RPL13: variants seen among roughly 807,000 people sequenced by gnomAD.
RPL13 encodes ribosomal protein L13.
Under a neutral mutation model 21.4 loss-of-function variants are expected in RPL13, and 1 was observed. That is an observed-to-expected ratio of 0.05 (90% CI 0.02 to 0.22). The LOEUF is 0.22. RPL13 is among the 10% of genes least tolerant of loss of function. The pLI is 1.00. For missense variants in RPL13, 289 were observed against 303.0 expected, an observed-to-expected ratio of 0.95 and a Z score of 0.34; for synonymous variants, 143 against 120.5, an observed-to-expected ratio of 1.19 and a Z score of -1.23.
intron 4 of RPL13, chr16:89,562,132 G>T: frequency 1.6e-6 from 1 of 620,452 alleles, no homozygotes; most frequent in Non-Finnish European, 2.8e-6. Flanking sequence ...ACTGTCTCGT[G>T]CGTGTTGCGT....
intron 1 of RPL13, 28 bp from the exon 2 acceptor site, chr16:89,560,912 C>G (rs768433318): frequency 1.3e-6 from 2 of 1,530,056 alleles, no homozygotes; most frequent in Non-Finnish European, 1.8e-6. Flanking sequence ...GGGGTCCGGC[C>G]TCTCACTCGC....
downstream of RPL13, chr16:89,566,654 A>C (rs963762129): frequency 6.7e-6 from 1 of 149,962 alleles, no homozygotes; most frequent in African/African-American, 2.5e-5. Context: ...ACAGAGCGAG[A>C]CCCTATCTCA....
chr16:89,561,503 C>A (rs777401176), intron 3 of RPL13, 75 bp from the exon 4 acceptor site: 56 of 1,612,234 alleles, frequency 3.5e-5, no homozygotes, highest in Non-Finnish European at 4.5e-5. Flanking sequence ...CATCTGATTG[C>A]TGAGGCTTTT....
chr16:89,561,171 G>A (rs1597674099), intron 2 of RPL13, 56 bp from the exon 3 acceptor site: 1 of 1,514,078 alleles, frequency 6.6e-7, no homozygotes, highest in Non-Finnish European at 8.8e-7. Flanking sequence ...CCGTCGCGGA[G>A]CGCTGGCCTG....
chr16:89,561,849 A>G (rs1166642663), intron 4 of RPL13, 98 bp downstream of exon 4: 20 of 1,343,288 alleles, frequency 1.5e-5, no homozygotes, highest in Admixed American at 2.1e-5. Flanking sequence ...TGGGGTGAGA[A>G]GAACCAAAAC....
intron 5 of RPL13, 48 bp from the exon 6 acceptor site, chr16:89,562,836 C>A: frequency 6.8e-7 from 1 of 1,479,930 alleles, no homozygotes; most frequent in South Asian, 1.4e-5. Flanking sequence ...TGGTTGTTCC[C>A]TTGCCCTTTG....
chr16:89,561,677 C>T lies in RPL13; in HGVS notation c.346C>T (p.Arg116Trp). 2 of 1,613,860 alleles carry T rather than the reference C, an allele frequency of 1.2e-6. No homozygotes were observed. The highest frequency in any genetic ancestry group is 1.1e-5 in the South Asian group (1 of 91,084). ...STESLQANVQ[R>W]LKEYRSKLIL... ...GGAGTCCCTGCAGGCCAACGTGCAG[C>T]GGCTGAAGGAGTACCGCTCCAAACT... The change falls in exon 4 of 6, where the codon CGG (arginine) becomes TGG (tryptophan). Residue 116 changes from arginine (R) to tryptophan (W), a missense_variant. Physicochemically the swap from Arg to Trp is moderately radical, Grantham distance 101. Coordinates refer to ENST00000311528, the MANE Select transcript of RPL13 (RefSeq NM_000977.4).
At chr16:89,562,476 C>A in intron 5 of RPL13, 85 bp downstream of exon 5, 1 of 1,352,970 alleles carries the variant, frequency 7.4e-7, no homozygotes, top group Non-Finnish European at 1.0e-6. Context: ...TGATGGGGGT[C>A]AGGCTTAAGA....
At chr16:89,560,810 G>T (rs1381186348) in intron 1 of RPL13, 98 bp downstream of exon 1, 2 of 582,202 alleles carry the variant, frequency 3.4e-6, no homozygotes, top group African/African-American at 4.0e-5. Flanking sequence ...CTTCTTCGCA[G>T]ACAGCGTTCG....
chr16:89,562,223 C>A, intron 4 of RPL13, 112 bp from the exon 5 acceptor site: 1 of 969,344 alleles, frequency 1.0e-6, no homozygotes, highest in South Asian at 1.4e-5. Flanking sequence ...AGAAAAGGCT[C>A]AGACACTGGT....
rs953409836 is a variant in RPL13, at chr16:89,560,702, C to T, written c.-31C>T. On this transcript the variant is annotated 5_prime_UTR_variant, in exon 1 of 6. Coordinates refer to ENST00000311528, the MANE Select transcript of RPL13 (RefSeq NM_000977.4). ...GCTTCCTTTCCGCTCGGCTGTTTTC[C>T]TGCGCAGGAGGTGAGGGAGACTGGG... is the stretch of plus-strand genomic sequence containing the variant. 63 of 420,192 alleles carry T rather than the reference C, an allele frequency of 1.5e-4. No homozygotes were observed. The highest frequency in any genetic ancestry group is 1.5e-4 in the Non-Finnish European group (35 of 236,892). 26.0% of individuals were successfully genotyped at this position (420,192 alleles called of 1,614,324 possible). A position where few individuals can be genotyped will look rare whatever the true frequency, so the allele number is the denominator to read the frequency against.
At chr16:89,562,260 G>C in intron 4 of RPL13, 75 bp from the exon 5 acceptor site, 1 of 1,442,820 alleles carries the variant, frequency 6.9e-7, no homozygotes, top group South Asian at 1.2e-5. Context: ...CCAGGGGAAA[G>C]TTTGGGGCCA....
intron 5 of RPL13, 130 bp from the exon 6 acceptor site, chr16:89,562,754 C>A: frequency 1.1e-6 from 1 of 925,042 alleles, no homozygotes; most frequent in South Asian, 2.1e-5. Flanking sequence ...CTCAGGGTTG[C>A]TTTTCAGCAG....
chr16:89,562,832 T>C, intron 5 of RPL13, 52 bp from the exon 6 acceptor site: 1 of 1,472,482 alleles, frequency 6.8e-7, no homozygotes, highest in Non-Finnish European at 9.0e-7. Flanking sequence ...CGCTTGGTTG[T>C]TCCCTTGCCC....
At chr16:89,562,704 GT>G in intron 5 of RPL13, 179 bp from the exon 6 acceptor site, 2 of 638,260 alleles carry the variant, frequency 3.1e-6, no homozygotes, top group Non-Finnish European at 5.0e-6. Flanking sequence ...CTCAGGGAGG[GT>G]TTTTCTTTTT....
At chr16:89,561,157 G>C in intron 2 of RPL13, 70 bp from the exon 3 acceptor site, 1 of 1,515,778 alleles carries the variant, frequency 6.6e-7, no homozygotes, top group South Asian at 1.3e-5. Flanking sequence ...GGCGCTGTCT[G>C]CAACCGTCGC....
chr16:89,560,777 A>T (rs757273298), intron 1 of RPL13, 65 bp downstream of exon 1: 43 of 537,490 alleles, frequency 8.0e-5, no homozygotes, highest in Non-Finnish European at 1.2e-4. Context: ...GCTTCAGCCA[A>T]CGCGGGAGTG....
intron 5 of RPL13, 35 bp downstream of exon 5, chr16:89,562,426 C>A (rs367842971): frequency 6.2e-7 from 1 of 1,601,954 alleles, no homozygotes; most frequent in Non-Finnish European, 8.5e-7. Context: ...AGGCTTCAGA[C>A]GAGATCAGTG....
At position 89,563,244 on chromosome 16, in the gene RPL13, G is replaced by A. The variant is rs111443018; in HGVS notation, c.*202G>A. ...TGAAGCACTGTTGGTTGTTTGGTTAGTGACTGATGTAAAACGGTTTTCTTG... is the reference window on the plus strand; with the variant it reads ...TGAAGCACTGTTGGTTGTTTGGTTAATGACTGATGTAAAACGGTTTTCTTG... On this transcript the variant is annotated 3_prime_UTR_variant, in exon 6 of 6. Transcript: ENST00000311528. 100 of 444,516 alleles carry A rather than the reference G, an allele frequency of 2.2e-4. 1 individual carries two copies. The highest frequency in any genetic ancestry group is 1.9e-3 in the African/African-American group (93 of 49,144). The allele number at this position is 444,516 out of a possible 1,614,324, so 27.5% of individuals were successfully genotyped here.
Sources: gnomAD v4.1 joint callset for allele counts on GRCh38, gnomAD v4.1.1 for gene constraint, MANE v1.5 for transcripts, NCBI Gene and HGNC (gene_info 2026-07-23, HGNC 2026-07-21) for gene names.